The following ATP13A4 variants were observed in gnomAD, a reference collection of about 807,000 sequenced individuals.
ATP13A4 encodes ATPase 13A4.
Under a neutral mutation model 142.5 loss-of-function variants are expected in ATP13A4, and 114 were observed. The ratio of observed to expected loss-of-function variants is 0.80; its 90% CI spans 0.69 to 0.93. The LOEUF (loss-of-function observed/expected upper bound fraction) is 0.93. Ranked by LOEUF, ATP13A4 falls within the 40% of genes least tolerant of loss-of-function variation. The probability of loss-of-function intolerance (pLI) is 0.00; values close to 1 mark genes in which losing one functional copy is unlikely to be tolerated. For missense variants in ATP13A4, 1,392 were observed against 1,454.0 expected (o/e 0.96, Z 0.69); for synonymous variants, 488 against 514.8 (o/e 0.95, Z 0.70).
chr3:193,502,649 T>A lies in ATP13A4; in HGVS notation c.235-10A>T. 1.2e-6 allele frequency: 2 copies of A among 1,613,454 alleles called. No homozygotes were observed. The highest frequency in any genetic ancestry group is 2.2e-5 in the South Asian group (2 of 91,058). On this transcript the variant is annotated splice_polypyrimidine_tract_variant and intron_variant, in intron 2 of 29. Coordinates refer to ENST00000342695, the MANE Select transcript of ATP13A4 (RefSeq NM_032279.4). ...AAATTTGGAATTCATCCTGAGGAGA[T>A]AGACATCAAAACCCCCAAGAAGTTA...
At chr3:193,499,527 C>T (rs986710478) in intron 3 of ATP13A4, among the ~76,000 whole-genome samples, 4 of 152,150 alleles carry the variant, frequency 2.6e-5, no homozygotes, top group South Asian at 2.1e-4. Flanking sequence ...CTTCACTTTG[C>T]GCCTGAAGTT....
chr3:193,525,897 A>AGCT lies in ATP13A4; in HGVS notation c.61-11027_61-11026insAGC, dbSNP rs1339437127. On this transcript the variant is annotated intron_variant, in intron 1 of 29. Transcript: ENST00000342695. ...AGCTAGTCTGGAATCTTTTCCATAT[A>AGCT]CAGGAAGTTTATAAAAGAAGTGAAT... Among the ~76,000 whole-genome samples, 85 of 152,238 alleles carry AGCT rather than the reference A, an allele frequency of 5.6e-4. 2 individuals carry two copies. Among genetic ancestry groups the AGCT allele is most frequent in the Admixed American group, 2.0e-4 (3 of 15,292 alleles).
chr3:193,428,393 A>G (rs1408852379), intron 25 of ATP13A4, among the ~76,000 whole-genome samples: 1 of 152,116 alleles, frequency 6.6e-6, no homozygotes, highest in African/African-American at 2.4e-5. Flanking sequence ...TGATTCCTCA[A>G]GGATCCAGAA....
intron 18 of ATP13A4, 94 bp downstream of exon 18, chr3:193,448,112 A>G (rs1349123237): frequency 1.3e-6 from 2 of 1,534,424 alleles, no homozygotes; most frequent in Admixed American, 1.7e-5. Context: ...TGTCTGGCCC[A>G]GAGTAGGTAG....
chr3:193,418,274 G>A (rs1389238005), intron 25 of ATP13A4, among the ~76,000 whole-genome samples: 1 of 140,038 alleles, frequency 7.1e-6, no homozygotes, highest in African/African-American at 2.7e-5. Flanking sequence ...AGCCGAGATT[G>A]CGCCACTGCA....
intron 8 of ATP13A4, among the ~76,000 whole-genome samples, chr3:193,483,490 A>G (rs1335398502): frequency 3.3e-5 from 5 of 152,134 alleles, no homozygotes; most frequent in Admixed American, 6.6e-5. Flanking sequence ...TTTGAGATGG[A>G]GTCTCGCTCT....
intron 5 of ATP13A4, 64 bp from the exon 6 acceptor site, chr3:193,491,462 A>C: frequency 8.4e-7 from 1 of 1,196,470 alleles, no homozygotes; most frequent in Non-Finnish European, 1.2e-6. Context: ...CTCCTCACCT[A>C]TTCAGAAAAA....
chr3:193,467,571 A>T, intron 9 of ATP13A4, 85 bp from the exon 10 acceptor site: 2 of 1,425,894 alleles, frequency 1.4e-6, no homozygotes, highest in Non-Finnish European at 2.0e-6. Context: ...CATACAACAG[A>T]CATTTTTTTT....
In ATP13A4 at chr3:193,472,439, G is replaced by A. The variant is rs1328507886; in HGVS notation, c.809-1446C>T. 3.3e-5 allele frequency among the ~76,000 whole-genome samples: 5 copies of A among 152,216 alleles called. No homozygotes were observed. In the South Asian group the frequency reaches 8.3e-4, roughly 25 times the overall value. ...CCAAAGCACAAGAGTAGTAATGCTC[G>A]CAATTCAGTTATATCAAAGAGAAGC... On this transcript the variant is annotated intron_variant, in intron 8 of 29. Transcript: ENST00000342695.
chr3:193,404,248 T>C (rs1714383503), intron 29 of ATP13A4: 1 of 621,914 alleles, frequency 1.6e-6, no homozygotes. Flanking sequence ...TAAAACAAAA[T>C]AGATGAAACC....
chr3:193,423,721 A>C (rs963818218), intron 25 of ATP13A4, among the ~76,000 whole-genome samples: 7 of 149,882 alleles, frequency 4.7e-5, no homozygotes, highest in Non-Finnish European at 5.9e-5. Flanking sequence ...AACTCACATC[A>C]TACTAACGGG....
intron 1 of ATP13A4, among the ~76,000 whole-genome samples, chr3:193,535,506 G>T (rs1485224262): frequency 6.6e-6 from 1 of 152,014 alleles, no homozygotes; most frequent in Non-Finnish European, 1.5e-5. Context: ...CAAAGGCACG[G>T]TATATCAAAA....
chr3:193,527,296 C>T (rs1722058170), intron 1 of ATP13A4, among the ~76,000 whole-genome samples: 1 of 152,016 alleles, frequency 6.6e-6, no homozygotes, highest in Non-Finnish European at 1.5e-5. Context: ...AGTGAGATCT[C>T]ACGAGATCTG....
chr3:193,419,256 C>T (rs1715283170), intron 25 of ATP13A4, among the ~76,000 whole-genome samples: 1 of 150,048 alleles, frequency 6.7e-6, no homozygotes, highest in African/African-American at 2.5e-5. Context: ...AAAAAGAGTA[C>T]TATGGTAAAG....
chr3:193,434,236 C>T (rs1408954938), intron 24 of ATP13A4, among the ~76,000 whole-genome samples: 1 of 152,114 alleles, frequency 6.6e-6, no homozygotes, highest in African/African-American at 2.4e-5. Context: ...TACTTGTTAA[C>T]AGAAAATTTA....
chr3:193,571,191 T>C (rs1724256399), intron 2 of ATP13A4, among the ~76,000 whole-genome samples: 1 of 147,650 alleles, frequency 6.8e-6, no homozygotes, highest in Non-Finnish European at 1.5e-5. Context: ...GGCAGGAGAA[T>C]TGTTTGAACC....
chr3:193,500,378 A>G (rs950485250), intron 3 of ATP13A4, among the ~76,000 whole-genome samples: 2 of 152,082 alleles, frequency 1.3e-5, no homozygotes, highest in African/African-American at 4.8e-5. Flanking sequence ...CCTGTTTCCA[A>G]ACCTGACATA....
At chr3:193,577,882 T>C (rs2108744705) in intron 2 of ATP13A4, among the ~76,000 whole-genome samples, 1 of 152,374 alleles carries the variant, frequency 6.6e-6, no homozygotes, top group East Asian at 1.9e-4. Context: ...AACACTTCCA[T>C]GAAACAGTTC....
chr3:193,519,343 C>A (rs747681716), intron 1 of ATP13A4, among the ~76,000 whole-genome samples: 59 of 152,264 alleles, frequency 3.9e-4, no homozygotes, highest in Non-Finnish European at 6.6e-4. Context: ...AAGCAGATTG[C>A]CCATGTGATC....
Sources: gnomAD v4.1 joint callset for allele counts (sites outside exome capture counted in the v4.1 genomes callset) on GRCh38, gnomAD v4.1.1 for gene constraint, MANE v1.5 for transcripts, NCBI Gene and HGNC (gene_info 2026-07-23, HGNC 2026-07-21) for gene names.